Variants in TM9SF2 observed in about 807,000 individuals in gnomAD.
The protein encoded by TM9SF2 is transmembrane 9 superfamily member 2, also known as 76 kDa membrane protein.
Under a neutral mutation model 84.9 loss-of-function variants are expected in TM9SF2, and 13 were observed. The ratio of observed to expected loss-of-function variants is 0.15; its 90% CI spans 0.10 to 0.24. TM9SF2 has a LOEUF of 0.24. Among genes scored for constraint, TM9SF2 ranks in the 10% least tolerant of loss-of-function variants. The pLI is 1.00. For missense variants in TM9SF2, 562 were observed against 818.5 expected (o/e 0.69, Z 3.82); for synonymous variants, 273 against 285.8 (o/e 0.96, Z 0.45).
Position 99,559,648 on chromosome 13 carries a change from T to C in TM9SF2, c.1924+114T>C, listed in dbSNP as rs1357953634. The C allele has an allele frequency of 7.0e-6, 7 of 997,082 alleles. No individual in the cohort carries two copies. In the East Asian group the frequency reaches 1.6e-4, roughly 23 times the overall value. 61.8% of individuals were successfully genotyped at this position (997,082 alleles called of 1,614,324 possible). A position where few individuals can be genotyped will look rare whatever the true frequency, so the allele number is the denominator to read the frequency against. On this transcript the variant is annotated intron_variant, in intron 16 of 16. Coordinates refer to ENST00000376387, the MANE Select transcript of TM9SF2 (RefSeq NM_004800.3). ...GGCTTATTCTGTTAGTGCTCCCATA[T>C]TTAGTCCTCAGCACAACTAGGCATA... is the stretch of plus-strand genomic sequence containing the variant.
chr13:99,514,687 G>A (rs1428159431), intron 1 of TM9SF2, among the ~76,000 whole-genome samples: 3 of 152,206 alleles, frequency 2.0e-5, no homozygotes, highest in Admixed American at 2.0e-4. Context: ...CACAGAGGCC[G>A]TTAGCCTCCT....
At chr13:99,517,588 C>G (rs1212009729) in intron 1 of TM9SF2, 26 bp from the exon 2 acceptor site, 2 of 1,509,392 alleles carry the variant, frequency 1.3e-6, no homozygotes, top group East Asian at 2.4e-5. Context: ...TGTTTATATT[C>G]TAATTTTGTG....
At chr13:99,518,801 ATGG>A in intron 2 of TM9SF2, among the ~76,000 whole-genome samples, 1 of 128,146 alleles carries the variant, frequency 7.8e-6, no homozygotes, top group South Asian at 2.5e-4. Context: ...TTTTGTGGTG[ATGG>A]AGTACCACTC....
intron 15 of TM9SF2, among the ~76,000 whole-genome samples, chr13:99,555,888 GCTAA>G (rs1472983978): frequency 2.6e-5 from 4 of 151,976 alleles, no homozygotes; most frequent in Admixed American, 2.6e-4. Flanking sequence ...AGTATGTTGT[GCTAA>G]CTTTTTACTG....
chr13:99,536,665 C>T lies in TM9SF2; in HGVS notation c.519C>T (p.Phe173=). Residue 173 remains phenylalanine (F), a synonymous_variant, in exon 5 of 17, where the codon TTC becomes TTT. Coordinates refer to ENST00000376387, the MANE Select transcript of TM9SF2 (RefSeq NM_004800.3). ...WCYDVEDGQR[F]CNPGFPIGCY... is the part of the protein sequence containing the mutation. ...ACGATGTTGAAGATGGTCAGAGGTT[C>T]TGTAATCCTGGATTTCCTATTGGCT... 6.2e-7 allele frequency: 1 copy of T among 1,613,792 alleles called. No individual in the cohort carries two copies. The highest frequency in any genetic ancestry group is 1.1e-5 in the South Asian group (1 of 91,052).
At chr13:99,541,451 G>T in intron 8 of TM9SF2, 108 bp from the exon 9 acceptor site, 1 of 722,328 alleles carries the variant, frequency 1.4e-6, no homozygotes, top group Non-Finnish European at 2.2e-6. Flanking sequence ...CTTTCATTTT[G>T]ATTTTGATCA....
chr13:99,512,832 G>A (rs2046119164), intron 1 of TM9SF2, among the ~76,000 whole-genome samples: 1 of 152,186 alleles, frequency 6.6e-6, no homozygotes, highest in African/African-American at 2.4e-5. Flanking sequence ...GAAATCCATG[G>A]GGAGTGCTGA....
At chr13:99,509,042 A>T (rs994823027) in intron 1 of TM9SF2, among the ~76,000 whole-genome samples, 6 of 152,218 alleles carry the variant, frequency 3.9e-5, no homozygotes. Flanking sequence ...CTCATTTGAG[A>T]CAAGGAAAGT....
At chr13:99,531,937 T>A (rs1349492634) in intron 4 of TM9SF2, among the ~76,000 whole-genome samples, 1 of 152,220 alleles carries the variant, frequency 6.6e-6, no homozygotes, top group African/African-American at 2.4e-5. Flanking sequence ...CAAAATAATA[T>A]TTAAGCCTCA....
chr13:99,546,066 G>T (rs2046281159), intron 10 of TM9SF2, among the ~76,000 whole-genome samples: 1 of 152,236 alleles, frequency 6.6e-6, no homozygotes, highest in Non-Finnish European at 1.5e-5. Flanking sequence ...GGAGGAGAAA[G>T]GGGTTGCATT....
chr13:99,535,498 G>A (rs921773577), intron 4 of TM9SF2, among the ~76,000 whole-genome samples: 8 of 152,080 alleles, frequency 5.3e-5, no homozygotes, highest in Non-Finnish European at 8.8e-5. Context: ...ATAACAATGC[G>A]TTTATGCTTC....
At chr13:99,552,986 A>G (rs2046312111) in intron 13 of TM9SF2, among the ~76,000 whole-genome samples, 1 of 152,222 alleles carries the variant, frequency 6.6e-6, no homozygotes, top group African/African-American at 2.4e-5. Context: ...TATCTGCTGG[A>G]AATAAATTGT....
chr13:99,514,320 A>G (rs1174519445), intron 1 of TM9SF2: 1 of 152,290 alleles, frequency 6.6e-6, no homozygotes, highest in African/African-American at 2.4e-5. Context: ...ATTCATGGTA[A>G]GTGCCCTATG....
intron 3 of TM9SF2, among the ~76,000 whole-genome samples, chr13:99,526,000 T>C (rs1353427775): frequency 6.6e-6 from 1 of 152,140 alleles, no homozygotes; most frequent in African/African-American, 2.4e-5. Context: ...TAGTGTACTG[T>C]TGGAGAGGTT....
chr13:99,531,514 T>C (rs1473720023), intron 4 of TM9SF2, among the ~76,000 whole-genome samples: 1 of 151,840 alleles, frequency 6.6e-6, no homozygotes, highest in Non-Finnish European at 1.5e-5. Context: ...CCCATATGCA[T>C]AGAACCCTGG....
chr13:99,513,686 T>C (rs1192067017), intron 1 of TM9SF2, among the ~76,000 whole-genome samples: 1 of 152,230 alleles, frequency 6.6e-6, no homozygotes. Context: ...CTGCTTGTTT[T>C]TATAGGGCCT....
rs151038535 is a variant in TM9SF2 at position 99,548,617 on chromosome 13, A to G, written c.1271-548A>G. On this transcript the variant is annotated intron_variant, in intron 11 of 16. Coordinates refer to ENST00000376387, the MANE Select transcript of TM9SF2 (RefSeq NM_004800.3). ...AGAGGGGCAAAGGAGAGTAAAACAT[A>G]TATTAGCAAACATGGTCTGTCAAAT... Among the ~76,000 whole-genome samples the G allele has an allele frequency of 1.2e-3, 179 of 152,346 alleles. 2 individuals carry two copies. Among genetic ancestry groups the G allele is most frequent in the African/African-American group, 4.1e-3 (169 of 41,572 alleles).
chr13:99,555,666 C>G lies in TM9SF2; in HGVS notation c.1752+19C>G. The G allele has an allele frequency of 2.0e-6, 3 of 1,532,310 alleles. No individual in the cohort carries two copies. Among genetic ancestry groups the G allele is most frequent in the Non-Finnish European group, 2.7e-6 (3 of 1,114,618 alleles). 94.9% of individuals were successfully genotyped at this position (1,532,310 alleles called of 1,614,324 possible). A position where few individuals can be genotyped will look rare whatever the true frequency, so the allele number is the denominator to read the frequency against. ...TGCAGAGGTATGTATTAGCAGTATT[C>G]ACTTATGTTAATTTGTAGACAGTAA... On this transcript the variant is annotated intron_variant, in intron 15 of 16. Coordinates refer to ENST00000376387, the MANE Select transcript of TM9SF2 (RefSeq NM_004800.3).
chr13:99,529,745 ACT>A (rs1594052265), intron 4 of TM9SF2, 151 bp downstream of exon 4: 1 of 760,084 alleles, frequency 1.3e-6, no homozygotes, highest in East Asian at 3.2e-5. Context: ...TGAAGTAGTG[ACT>A]CTTAGTTAAA....
Sources: gnomAD v4.1 joint callset for allele counts (sites outside exome capture counted in the v4.1 genomes callset) on GRCh38, gnomAD v4.1.1 for gene constraint, MANE v1.5 for transcripts, NCBI Gene and HGNC (gene_info 2026-07-23, HGNC 2026-07-21) for gene names.